The following LPP variants were observed in gnomAD, a reference collection of about 807,000 sequenced individuals.
LPP encodes lipoma-preferred partner.
Under a neutral mutation model 60.4 loss-of-function variants are expected in LPP, and 38 were observed. The ratio of observed to expected loss-of-function variants is 0.63; its 90% CI spans 0.49 to 0.83. The LOEUF is 0.83. Ranked by LOEUF, LPP falls within the 40% of genes least tolerant of loss-of-function variation. The pLI is 0.00. For synonymous variants in LPP, 328 were observed against 290.8 expected (o/e 1.13, Z -1.30); for missense variants, 902 against 783.6 (o/e 1.15, Z -1.80).
At chr3:188,270,301 G>GT (rs1475726770) in intron 2 of LPP, among the ~76,000 whole-genome samples, 4 of 151,020 alleles carry the variant, frequency 2.6e-5, no homozygotes, top group African/African-American at 9.7e-5. Context: ...GTGTGTGTGT[G>GT]GACACACACA....
chr3:188,605,160 C>G (rs1842155274), intron 6 of LPP, among the ~76,000 whole-genome samples: 1 of 152,106 alleles, frequency 6.6e-6, no homozygotes, highest in Non-Finnish European at 1.5e-5. Context: ...CTCTGGCTAC[C>G]AAATGAAGGA....
At chr3:188,683,894 A>G (rs935143664) in intron 7 of LPP, among the ~76,000 whole-genome samples, 1 of 152,224 alleles carries the variant, frequency 6.6e-6, no homozygotes, top group Non-Finnish European at 1.5e-5. Context: ...TAGGCACAAA[A>G]ATATCCCTTC....
chr3:188,516,022 A>G (rs1012119845), intron 5 of LPP, among the ~76,000 whole-genome samples: 1 of 152,170 alleles, frequency 6.6e-6, no homozygotes, highest in Non-Finnish European at 1.5e-5. Flanking sequence ...GCAGCATGGG[A>G]GAAAAGCCAT....
Position 188,517,854 on chromosome 3 carries a change from A to T in LPP, c.307-6811A>T, listed in dbSNP as rs373531353. ...GAGTACAATTTAAGATGAGATTTGG[A>T]TAGGGACACAGAGCAAAACTGTATC... On this transcript the variant is annotated intron_variant, in intron 5 of 11. Coordinates refer to ENST00000617246, the MANE Select transcript of LPP (RefSeq NM_001375462.1). Among the ~76,000 whole-genome samples the T allele has an allele frequency of 5.3e-4, 80 of 152,202 alleles. 2 individuals are homozygous for T. The South Asian group carries it at 0.016, about 30-fold the overall frequency.
rs1448158037 is a variant in LPP at position 188,875,908 on chromosome 3, G to T, written c.*1429G>T. 5.4e-6 allele frequency: 1 copy of T among 186,480 alleles called. No homozygotes were observed. The highest frequency in any genetic ancestry group is 1.1e-5 in the Non-Finnish European group (1 of 88,124). The allele number at this position is 186,480 out of a possible 1,614,324, so 11.6% of individuals were successfully genotyped here. On this transcript the variant is annotated 3_prime_UTR_variant, in exon 12 of 12. Transcript: ENST00000617246. ...TTGTAAACTAAGGATTTTGGACTGA[G>T]ATTTCTTAAATCTTTCTTCAAATCT... is the stretch of plus-strand genomic sequence containing the variant.
At chr3:188,636,792 G>A (rs1483623275) in intron 7 of LPP, among the ~76,000 whole-genome samples, 1 of 151,760 alleles carries the variant, frequency 6.6e-6, no homozygotes, top group Non-Finnish European at 1.5e-5. Context: ...CCCCCTGCAG[G>A]GGCACGCTGA....
intron 7 of LPP, among the ~76,000 whole-genome samples, chr3:188,638,962 T>C (rs1849452645): frequency 6.6e-6 from 1 of 152,142 alleles, no homozygotes. Flanking sequence ...ATAGATTCAA[T>C]GCCATCCCCA....
intron 7 of LPP, among the ~76,000 whole-genome samples, chr3:188,700,301 C>T (rs888073973): frequency 1.3e-5 from 2 of 152,164 alleles, no homozygotes; most frequent in African/African-American, 4.8e-5. Context: ...AAGAAATCAA[C>T]AGCAGGTAAG....
intron 3 of LPP, among the ~76,000 whole-genome samples, chr3:188,381,954 T>C (rs1341522104): frequency 2.6e-5 from 4 of 151,910 alleles, no homozygotes; most frequent in Non-Finnish European, 4.4e-5. Flanking sequence ...GCTATTTTTT[T>C]TTTTTTAGAT....
intron 8 of LPP, among the ~76,000 whole-genome samples, chr3:188,752,722 T>C (rs1728496483): frequency 6.6e-6 from 1 of 152,118 alleles, no homozygotes; most frequent in African/African-American, 2.4e-5. Flanking sequence ...AGAATATATC[T>C]CCTGGGAGAT....
intron 4 of LPP, among the ~76,000 whole-genome samples, chr3:188,421,016 G>A (rs549844801): frequency 2.6e-5 from 4 of 152,080 alleles, no homozygotes; most frequent in East Asian, 3.9e-4. Flanking sequence ...GAATTAGATG[G>A]TACCCCCTCA....
At chr3:188,524,905 T>TG (rs1560518807) in intron 6 of LPP, 118 bp downstream of exon 6, 64 of 247,292 alleles carry the variant, frequency 2.6e-4, no homozygotes, top group African/African-American at 1.7e-3. Flanking sequence ...CCGTCCTTCC[T>TG]TCCTTCCTTC....
intron 6 of LPP, among the ~76,000 whole-genome samples, chr3:188,530,272 A>G (rs34126324): frequency 0.47 from 70,737 of 152,094 alleles, 17,257 homozygotes; most frequent in East Asian, 0.92. Context: ...GTGATTTTGG[A>G]GTAATGACTT....
chr3:188,247,851 A>G (rs2058981221), intron 2 of LPP, among the ~76,000 whole-genome samples: 1 of 152,052 alleles, frequency 6.6e-6, no homozygotes, highest in Non-Finnish European at 1.5e-5. Flanking sequence ...GACACTGTAA[A>G]GCAGCAGAGG....
At chr3:188,263,521 G>A (rs1378848268) in intron 2 of LPP, among the ~76,000 whole-genome samples, 3 of 152,210 alleles carry the variant, frequency 2.0e-5, no homozygotes, top group Non-Finnish European at 4.4e-5. Context: ...CAGTAAGGTA[G>A]TTGTTATGAG....
At chr3:188,354,836 G>GACACACACACACAC (rs59234691) in intron 3 of LPP, among the ~76,000 whole-genome samples, 3,420 of 151,522 alleles carry the variant, frequency 0.023, 135 homozygotes, top group African/African-American at 0.076. Flanking sequence ...CACACACACA[G>GACACACACACACAC]ACACACACAC....
At chr3:188,402,845 G>C (rs1240318612) in intron 3 of LPP, among the ~76,000 whole-genome samples, 1 of 152,168 alleles carries the variant, frequency 6.6e-6, no homozygotes, top group African/African-American at 2.4e-5. Flanking sequence ...AAGGAATTAG[G>C]CTACTCTTCC....
At chr3:188,403,462 A>C (rs1782707503) in intron 3 of LPP, among the ~76,000 whole-genome samples, 1 of 152,222 alleles carries the variant, frequency 6.6e-6, no homozygotes, top group Non-Finnish European at 1.5e-5. Flanking sequence ...TAAAAATTAT[A>C]ATTAACATTT....
At chr3:188,829,300 G>A (rs1438537518) in intron 9 of LPP, among the ~76,000 whole-genome samples, 5 of 152,044 alleles carry the variant, frequency 3.3e-5, no homozygotes, top group Admixed American at 2.6e-4. Context: ...TTGTCTCAAT[G>A]ACCTGCCTAT....
Sources: allele counts gnomAD v4.1 joint callset (sites outside exome capture counted in the v4.1 genomes callset), GRCh38; gene constraint gnomAD v4.1.1; transcripts MANE v1.5; gene names NCBI Gene and HGNC (gene_info 2026-07-23, HGNC 2026-07-21).